STX12: variants seen among roughly 807,000 people sequenced by gnomAD.
STX12 encodes syntaxin-12.
STX12 carries 17 observed loss-of-function variants against 42.2 expected under a neutral mutation model. That is an observed-to-expected ratio of 0.40 (90% confidence interval 0.28 to 0.60). The LOEUF (loss-of-function observed/expected upper bound fraction) is 0.60, where lower values mean the gene tolerates loss of function less well. Among genes scored for constraint, STX12 ranks in the 20% least tolerant of loss-of-function variants. The pLI is 0.39. For missense variants in STX12, 297 were observed against 330.9 expected, an observed-to-expected ratio of 0.90 and a Z score of 0.79; for synonymous variants, 108 against 116.7, an observed-to-expected ratio of 0.93 and a Z score of 0.48.
rs899211545 is a variant in STX12, at chr1:27,783,389, C to T, written c.119-6173C>T. Among the ~76,000 whole-genome samples the T allele has an allele frequency of 4.6e-5, 7 of 152,120 alleles. 1 individual carries two copies. The highest frequency in any genetic ancestry group is 1.9e-4 in the East Asian group (1 of 5,200). On this transcript the variant is annotated intron_variant, in intron 1 of 8. Transcript: ENST00000373943. ...GCGCTCTGTTGCCGAGGCTGGAGTG[C>T]AGTGGCACGATCTCAGCTTACTGCA...
chr1:27,812,120 C>A (rs372237520), intron 5 of STX12, 43 bp from the exon 6 acceptor site: 2 of 1,481,202 alleles, frequency 1.4e-6, no homozygotes, highest in Middle Eastern at 1.7e-4. Flanking sequence ...TCTTGTTATG[C>A]CTTTGAGAGG....
intron 8 of STX12, chr1:27,820,394 T>C (rs1279120056): frequency 6.6e-6 from 1 of 152,246 alleles, no homozygotes; most frequent in Non-Finnish European, 1.5e-5. Context: ...GAGTTCATTG[T>C]AGATTCTGGA....
chr1:27,810,844 C>G (rs2088897668), intron 5 of STX12, among the ~76,000 whole-genome samples: 1 of 152,128 alleles, frequency 6.6e-6, no homozygotes, highest in Non-Finnish European at 1.5e-5. Flanking sequence ...ATGAGCACCT[C>G]AAAGGCTTGG....
In STX12 at chr1:27,823,841, T is replaced by C. The variant is rs2089001751; in HGVS notation, c.*1512T>C. ...GGTAATGTGCTGTCATGAGAAAAAT[T>C]GAGACTTCCAAGAAAACTGGACACC... is the stretch of plus-strand genomic sequence containing the variant. On this transcript the variant is annotated 3_prime_UTR_variant, in exon 9 of 9. Transcript: ENST00000373943. 1 of 152,544 alleles carries C rather than the reference T, an allele frequency of 6.6e-6. No individual in the cohort carries two copies. The highest frequency in any genetic ancestry group is 2.1e-4 in the South Asian group (1 of 4,832). 9.4% of individuals were successfully genotyped at this position (152,544 alleles called of 1,614,324 possible).
In STX12 at chr1:27,778,699, GA is replaced by G. The variant is rs374294160; in HGVS notation, c.118+5290del. ...GCAACAGAGCGAGATTCCATCTCAG[GA>G]AAAAAAAAAAAAAAAGAACAGCATT... On this transcript the variant is annotated intron_variant, in intron 1 of 8. Transcript: ENST00000373943. Among the ~76,000 whole-genome samples the G allele has an allele frequency of 4.5e-3, 541 of 119,688 alleles. 1 individual carries two copies. The highest frequency in any genetic ancestry group is 8.9e-3 in the Middle Eastern group (2 of 224). 78.5% of individuals were successfully genotyped at this position (119,688 alleles called of 152,430 possible).
At chr1:27,795,718 G>A (rs774570665) in intron 3 of STX12, among the ~76,000 whole-genome samples, 38 of 152,194 alleles carry the variant, frequency 2.5e-4, no homozygotes, top group Admixed American at 9.2e-4. Context: ...CCCACTTGCA[G>A]AAGAGAGAGG....
At chr1:27,797,875 AACAC>A (rs61106135) in intron 3 of STX12, among the ~76,000 whole-genome samples, 69 of 143,158 alleles carry the variant, frequency 4.8e-4, no homozygotes, top group African/African-American at 1.3e-3. Context: ...TCTGAAGGTA[AACAC>A]ACACACACAC....
intron 4 of STX12, among the ~76,000 whole-genome samples, chr1:27,806,308 A>G (rs2088862430): frequency 6.6e-6 from 1 of 152,158 alleles, no homozygotes; most frequent in African/African-American, 2.4e-5. Context: ...AAAAGTTTAT[A>G]TGTATACGTT....
chr1:27,818,654 A>C (rs1372491439), intron 7 of STX12, among the ~76,000 whole-genome samples: 1 of 145,200 alleles, frequency 6.9e-6, no homozygotes, highest in East Asian at 2.0e-4. Context: ...TTTGAGACGG[A>C]GTTTTGCTGT....
At chr1:27,797,061 G>C (rs2088791004) in intron 3 of STX12, among the ~76,000 whole-genome samples, 1 of 151,318 alleles carries the variant, frequency 6.6e-6, no homozygotes, top group South Asian at 2.1e-4. Flanking sequence ...GTGTCACCCA[G>C]GCTGGAGTGC....
chr1:27,800,764 C>G (rs1460227038), intron 3 of STX12, among the ~76,000 whole-genome samples: 1 of 152,130 alleles, frequency 6.6e-6, no homozygotes, highest in Non-Finnish European at 1.5e-5. Flanking sequence ...AGTGATCCTC[C>G]TGCCTCAGCC....
rs2089007182 is a variant in STX12 at position 27,824,434 on chromosome 1, A to G, written c.*2105A>G. 2.0e-5 allele frequency: 3 copies of G among 152,286 alleles called. No homozygotes were observed. The South Asian group carries it at 6.2e-4, about 32-fold the overall frequency. 9.4% of individuals were successfully genotyped at this position (152,286 alleles called of 1,614,324 possible). A position where few individuals can be genotyped will look rare whatever the true frequency, so the allele number is the denominator to read the frequency against. On this transcript the variant is annotated 3_prime_UTR_variant, in exon 9 of 9. Transcript: ENST00000373943. ...TCTCCTAGGTGGTCTTAATAAACCT[A>G]TTCACAGAATTCTCCTTATCTGTGC...
At chr1:27,806,768 C>T (rs1371722553) in intron 4 of STX12, among the ~76,000 whole-genome samples, 4 of 152,136 alleles carry the variant, frequency 2.6e-5, no homozygotes, top group Non-Finnish European at 4.4e-5. Context: ...CACAGTTCTG[C>T]GTGGCTGGAT....
chr1:27,798,091 C>T (rs539550075), intron 3 of STX12, among the ~76,000 whole-genome samples: 20 of 152,244 alleles, frequency 1.3e-4, no homozygotes, highest in African/African-American at 4.8e-4. Context: ...ATGTAAAGCA[C>T]TTACAGTAGT....
intron 3 of STX12, among the ~76,000 whole-genome samples, chr1:27,796,516 C>T (rs7418350): frequency 0.018 from 2,752 of 152,162 alleles, 74 homozygotes; most frequent in African/African-American, 0.057. Flanking sequence ...CTTAGCTTCT[C>T]GAGTAGCTAG....
chr1:27,816,563 T>C (rs1394840028), intron 6 of STX12, among the ~76,000 whole-genome samples: 8 of 120,380 alleles, frequency 6.6e-5, no homozygotes, highest in Non-Finnish European at 1.3e-4. Context: ...CCCAGCATTT[T>C]GGGAGGCCGA....
chr1:27,814,397 CA>C (rs1260220936), intron 6 of STX12, among the ~76,000 whole-genome samples: 1 of 146,458 alleles, frequency 6.8e-6, no homozygotes, highest in Non-Finnish European at 1.5e-5. Context: ...GGTGCTGTAA[CA>C]TGTACCTGTG....
At chr1:27,810,335 T>G in intron 5 of STX12, 46 bp downstream of exon 5, 1 of 1,508,522 alleles carries the variant, frequency 6.6e-7, no homozygotes, top group Non-Finnish European at 9.2e-7. Context: ...GAGATGGGAA[T>G]CTATCTCGTT....
chr1:27,775,547 C>T (rs2088623306), intron 1 of STX12, among the ~76,000 whole-genome samples: 1 of 152,222 alleles, frequency 6.6e-6, no homozygotes, highest in Non-Finnish European at 1.5e-5. Flanking sequence ...GCCAGGATTA[C>T]AGGCATGAAT....
Sources: gnomAD v4.1 joint callset for allele counts (sites outside exome capture counted in the v4.1 genomes callset) on GRCh38, gnomAD v4.1.1 for gene constraint, MANE v1.5 for transcripts, NCBI Gene and HGNC (gene_info 2026-07-23, HGNC 2026-07-21) for gene names.